The following LINGO2 variants were observed in gnomAD, a reference collection of about 807,000 sequenced individuals.
LINGO2 encodes the protein leucine rich repeat and Ig domain containing 2, also known as leucine-rich repeat and immunoglobulin-like domain-containing nogo receptor-interacting protein 2.
Under a neutral mutation model 30.6 loss-of-function variants are expected in LINGO2, and 14 were observed. The observed-to-expected ratio is 0.46, with a 90% CI of 0.30 to 0.72. The LOEUF (loss-of-function observed/expected upper bound fraction) is 0.72. Among genes scored for constraint, LINGO2 ranks in the 30% least tolerant of loss-of-function variants. The probability of loss-of-function intolerance (pLI) is 0.07; values close to 1 mark genes in which losing one functional copy is unlikely to be tolerated. For missense variants in LINGO2, 729 were observed against 751.7 expected (o/e 0.97, Z 0.35); for synonymous variants, 317 against 288.5 (o/e 1.10, Z -1.00).
chr9:28,507,240 T>TGTGTGTGTGTGC lies in LINGO2; in HGVS notation c.-364-31216_-364-31215insGCACACACACAC, dbSNP rs5897306. 7.8e-3 allele frequency among the ~76,000 whole-genome samples: 1,171 copies of TGTGTGTGTGTGC among 149,976 alleles called. 3 individuals are homozygous for TGTGTGTGTGTGC. Among genetic ancestry groups the TGTGTGTGTGTGC allele is most frequent in the African/African-American group, 0.012 (482 of 40,618 alleles). On this transcript the variant is annotated intron_variant, in intron 1 of 5. Transcript: ENST00000379992. The stretch of plus-strand genomic sequence containing the variant: ...GTGTGTGTGTGTGTGTGTGTGTGCG[T>TGTGTGTGTGTGC]GCGTGCGCACATGTGTGTGTAGATA...
At chr9:28,889,955 T>C in the LINGO2 span, among the ~76,000 whole-genome samples, 1 of 152,014 alleles carries the variant, frequency 6.6e-6, no homozygotes, top group African/African-American at 2.4e-5. Context: ...CTATCTCTTC[T>C]CCCCATAAAA....
the LINGO2 span, among the ~76,000 whole-genome samples, chr9:29,084,890 T>A: frequency 1.3e-5 from 2 of 152,132 alleles, no homozygotes; most frequent in African/African-American, 4.8e-5. Context: ...TAGGAAGCAC[T>A]CAATATATTC....
At chr9:28,564,723 A>T (rs1356153633) in intron 1 of LINGO2, among the ~76,000 whole-genome samples, 1 of 152,196 alleles carries the variant, frequency 6.6e-6, no homozygotes, top group Middle Eastern at 3.4e-3. Context: ...TGCACCAATA[A>T]ACCTGCACTG....
intron 5 of LINGO2, among the ~76,000 whole-genome samples, chr9:27,997,203 G>A (rs1821709264): frequency 6.6e-6 from 1 of 152,146 alleles, no homozygotes; most frequent in Admixed American, 6.6e-5. Flanking sequence ...AAATGCATAG[G>A]CCACTCAAGG....
the LINGO2 span, chr9:27,942,447 CAT>C: frequency 6.6e-6 from 1 of 152,168 alleles, no homozygotes; most frequent in Middle Eastern, 3.4e-3. Flanking sequence ...GAAAAGAAAA[CAT>C]GTTTTCTTAA....
intron 2 of LINGO2, among the ~76,000 whole-genome samples, chr9:28,391,324 A>G (rs1821820357): frequency 6.6e-6 from 1 of 152,158 alleles, no homozygotes; most frequent in Admixed American, 6.5e-5. Flanking sequence ...GCTTATATCT[A>G]AGGAAGTGGT....
At chr9:28,054,494 T>C (rs10968311) in intron 4 of LINGO2, among the ~76,000 whole-genome samples, 11,608 of 152,186 alleles carry the variant, frequency 0.076, 974 homozygotes, top group African/African-American at 0.21. Flanking sequence ...TAACGTAGTA[T>C]ATATTAGGTA....
At chr9:28,797,357 T>TAGAGAGAG in the LINGO2 span, among the ~76,000 whole-genome samples, 766 of 55,032 alleles carry the variant, frequency 0.014, no homozygotes, top group Middle Eastern at 0.026. Context: ...TATATATATA[T>TAGAGAGAG]ATAGAGAGAG....
chr9:29,055,215 T>C, the LINGO2 span, among the ~76,000 whole-genome samples: 1 of 22,374 alleles, frequency 4.5e-5, no homozygotes, highest in Admixed American at 7.2e-4. Flanking sequence ...CGAGACTCCA[T>C]CTCAACAACA....
chr9:28,921,488 G>T, the LINGO2 span, among the ~76,000 whole-genome samples: 1 of 152,138 alleles, frequency 6.6e-6, no homozygotes, highest in Non-Finnish European at 1.5e-5. Flanking sequence ...AAAACTACTT[G>T]ATTAGAAAAA....
the LINGO2 span, among the ~76,000 whole-genome samples, chr9:28,725,113 A>G: frequency 6.4e-3 from 977 of 152,228 alleles, 23 homozygotes; most frequent in East Asian, 0.036. Context: ...TCCATGAGGC[A>G]AACTTTTTAT....
chr9:27,994,522 A>ATGC (rs980575855), intron 5 of LINGO2, among the ~76,000 whole-genome samples: 1 of 152,116 alleles, frequency 6.6e-6, no homozygotes, highest in Non-Finnish European at 1.5e-5. Context: ...TGGAACCAGC[A>ATGC]TGCTGGATAT....
the LINGO2 span, among the ~76,000 whole-genome samples, chr9:28,943,415 T>A: frequency 6.6e-6 from 1 of 151,980 alleles, no homozygotes; most frequent in East Asian, 1.9e-4. Context: ...ATAGATCAGG[T>A]GACGGATTGA....
chr9:28,741,286 G>A, the LINGO2 span, among the ~76,000 whole-genome samples: 1 of 152,002 alleles, frequency 6.6e-6, no homozygotes, highest in Non-Finnish European at 1.5e-5. Context: ...CAGGGGTGGT[G>A]ACCTGATGCT....
At chr9:29,044,508 A>G in the LINGO2 span, among the ~76,000 whole-genome samples, 1 of 152,062 alleles carries the variant, frequency 6.6e-6, no homozygotes, top group African/African-American at 2.4e-5. Context: ...GAATGTAAAC[A>G]GGTATAATTA....
intron 4 of LINGO2, among the ~76,000 whole-genome samples, chr9:28,229,577 G>A (rs1412033479): frequency 6.6e-6 from 1 of 151,630 alleles, no homozygotes; most frequent in Non-Finnish European, 1.5e-5. Context: ...CAAAAAGAAT[G>A]ACCAAAAGAT....
intron 2 of LINGO2, among the ~76,000 whole-genome samples, chr9:28,424,442 G>A (rs962232482): frequency 6.6e-6 from 1 of 152,046 alleles, no homozygotes; most frequent in Admixed American, 6.6e-5. Context: ...GAGTGTGGTC[G>A]CTTGGAATCA....
intron 4 of LINGO2, among the ~76,000 whole-genome samples, chr9:28,079,620 G>A (rs796548198): frequency 2.7e-4 from 41 of 152,228 alleles, no homozygotes; most frequent in African/African-American, 9.4e-4. Flanking sequence ...AAAGATACCT[G>A]CAATTATTTT....
the LINGO2 span, among the ~76,000 whole-genome samples, chr9:28,791,728 A>C: frequency 5.4e-3 from 816 of 152,106 alleles, 5 homozygotes; most frequent in African/African-American, 0.019. Flanking sequence ...TTGATTAATA[A>C]AAATTTTACT....
Sources: allele counts gnomAD v4.1 joint callset (sites outside exome capture counted in the v4.1 genomes callset), GRCh38; gene constraint gnomAD v4.1.1; transcripts MANE v1.5; gene names NCBI Gene and HGNC (gene_info 2026-07-23, HGNC 2026-07-21).